WT1: variants seen among roughly 807,000 people sequenced by gnomAD.
WT1 encodes Wilms tumor protein.
A neutral mutation model predicts 60.8 loss-of-function variants in WT1; 8 were observed. The ratio of observed to expected loss-of-function variants is 0.13; its 90% CI spans 0.08 to 0.24. WT1 has a LOEUF of 0.24. Among genes scored for constraint, WT1 ranks in the 10% least tolerant of loss-of-function variants. The pLI, the probability that WT1 is intolerant of heterozygous loss-of-function variation, is 1.00. For synonymous variants in WT1, 312 were observed against 297.1 expected (o/e 1.05, Z -0.52); for missense variants, 568 against 711.8 (o/e 0.80, Z 2.30).
chr11:32,407,067 C>G (rs1208736501), intron 5 of WT1, among the ~76,000 whole-genome samples: 1 of 152,056 alleles, frequency 6.6e-6, no homozygotes, highest in Non-Finnish European at 1.5e-5. Flanking sequence ...CCACTGCACT[C>G]CAGCCTCAGC....
At position 32,389,111 on chromosome 11, in the gene WT1, G is replaced by A. The variant is rs1851744421; in HGVS notation, c.1516C>T (p.Arg506Cys). Residue 506 changes from arginine (R) to cysteine (C), a missense_variant, in exon 10 of 10, where the codon CGC (arginine) becomes TGC (cysteine). Around this residue, in one of 3 missense-constraint regions of WT1, gnomAD observed 29 missense variants for 46.8 expected, o/e 0.62. Coordinates refer to ENST00000452863, the MANE Select transcript of WT1 (RefSeq NM_024426.6). ...TTTCTCTGATGCATGTTGTGATGGC[G>A]GACTAATTCATCTGACCGGGCAAAC... The A allele has an allele frequency of 6.2e-7, 1 of 1,614,206 alleles. No individual in the cohort carries two copies. Among genetic ancestry groups the A allele is most frequent in the Non-Finnish European group, 8.5e-7 (1 of 1,180,028 alleles).
rs567634944 is a variant in WT1, at chr11:32,431,485, G to T, written c.662-2866C>A. ...GGAGTTTCGCTCTGTCGCCCAGGCT[G>T]CAGTGCAGTGGCGCGATCTCAGCTC... is the stretch of plus-strand genomic sequence containing the variant. On this transcript the variant is annotated intron_variant, in intron 1 of 9. Transcript: ENST00000452863. 1.4e-4 allele frequency among the ~76,000 whole-genome samples: 21 copies of T among 148,228 alleles called. 1 individual carries two copies. In the East Asian group the frequency reaches 4.2e-3, roughly 30 times the overall value.
At chr11:32,413,852 C>A (rs1852580019) in intron 5 of WT1, among the ~76,000 whole-genome samples, 1 of 152,136 alleles carries the variant, frequency 6.6e-6, no homozygotes, top group African/African-American at 2.4e-5. Flanking sequence ...GGGCCCAGGT[C>A]CTGGAGTCAG....
At chr11:32,415,825 GA>G (rs1852650785) in intron 5 of WT1, among the ~76,000 whole-genome samples, 2 of 151,946 alleles carry the variant, frequency 1.3e-5, no homozygotes, top group African/African-American at 4.8e-5. Flanking sequence ...GTGAGGTGAA[GA>G]ACCTAACAGT....
intron 1 of WT1, among the ~76,000 whole-genome samples, 155 bp from the exon 2 acceptor site, chr11:32,428,774 T>C (rs1853160782): frequency 6.6e-6 from 1 of 152,158 alleles, no homozygotes; most frequent in Admixed American, 6.5e-5. Flanking sequence ...TCCAGGACTT[T>C]CGGCAGGAAG....
intron 9 of WT1, among the ~76,000 whole-genome samples, chr11:32,389,826 C>G (rs5030309): frequency 0.022 from 3,392 of 151,930 alleles, 53 homozygotes; most frequent in Non-Finnish European, 0.035. Context: ...TTTTAATAAG[C>G]TTGCCAAAAG....
At chr11:32,392,225 C>T (rs577653036) in intron 8 of WT1, among the ~76,000 whole-genome samples, 161 bp from the exon 9 acceptor site, 2 of 152,306 alleles carry the variant, frequency 1.3e-5, no homozygotes, top group Admixed American at 1.3e-4. Flanking sequence ...CCAGGCCCAA[C>T]AAGAATCACT....
At chr11:32,428,656 T>A in intron 1 of WT1, 37 bp from the exon 2 acceptor site, 1 of 1,604,502 alleles carries the variant, frequency 6.2e-7, no homozygotes, top group Non-Finnish European at 8.5e-7. Context: ...GTGTCAGCGG[T>A]GCTCTCGCAA....
intron 1 of WT1, among the ~76,000 whole-genome samples, chr11:32,434,332 T>C (rs1036779144): frequency 1.3e-5 from 2 of 152,188 alleles, no homozygotes; most frequent in African/African-American, 4.8e-5. Flanking sequence ...AATTTGGCGT[T>C]TCCTTAATTA....
At chr11:32,428,176 G>A in intron 2 of WT1, 118 bp from the exon 3 acceptor site, 3 of 1,025,076 alleles carry the variant, frequency 2.9e-6, no homozygotes, top group Non-Finnish European at 4.3e-6. Flanking sequence ...GGGCCTGGAT[G>A]AGCGGCGTGC....
At chr11:32,424,938 G>C (rs140240458) in intron 3 of WT1, among the ~76,000 whole-genome samples, 4,659 of 152,220 alleles carry the variant, frequency 0.031, 231 homozygotes, top group African/African-American at 0.11. Context: ...AGCACTTTTC[G>C]AGGCCAAGGT....
intron 3 of WT1, among the ~76,000 whole-genome samples, chr11:32,425,617 T>C (rs1255970985): frequency 3.9e-5 from 6 of 152,128 alleles, no homozygotes; most frequent in African/African-American, 1.2e-4. Context: ...TGAATGGAAA[T>C]GTTAATTTAG....
intron 5 of WT1, among the ~76,000 whole-genome samples, chr11:32,401,827 A>G (rs5030246): frequency 0.057 from 8,728 of 152,186 alleles, 471 homozygotes; most frequent in African/African-American, 0.14. Context: ...GGTGTGAGCT[A>G]CCAGGCCCAG....
chr11:32,434,080 C>T (rs1387064043), intron 1 of WT1, among the ~76,000 whole-genome samples: 2 of 152,374 alleles, frequency 1.3e-5, no homozygotes, highest in East Asian at 3.9e-4. Flanking sequence ...TACGCGGGAG[C>T]TATCCACGGA....
At chr11:32,417,363 G>C in intron 4 of WT1, 1 of 579,026 alleles carries the variant, frequency 1.7e-6, no homozygotes, top group South Asian at 2.1e-5. Flanking sequence ...AATATTCCTT[G>C]TTCCAGATAG....
chr11:32,413,669 G>C (rs541499802), intron 5 of WT1, among the ~76,000 whole-genome samples: 1 of 152,338 alleles, frequency 6.6e-6, no homozygotes, highest in East Asian at 1.9e-4. Flanking sequence ...AAATAGGATA[G>C]AGAGAAAAAG....
chr11:32,420,579 G>A (rs529044927), intron 3 of WT1, among the ~76,000 whole-genome samples: 59 of 152,108 alleles, frequency 3.9e-4, no homozygotes, highest in Non-Finnish European at 6.9e-4. Context: ...TGAGGGTTGA[G>A]GCACAGAGAG....
chr11:32,396,779 C>G (rs1283396180), intron 6 of WT1, among the ~76,000 whole-genome samples: 1 of 152,288 alleles, frequency 6.6e-6, no homozygotes, highest in South Asian at 2.1e-4. Flanking sequence ...TCCAAAGTCC[C>G]AAAGTCTAAC....
chr11:32,400,163 T>C, intron 5 of WT1, 119 bp from the exon 6 acceptor site: 2 of 1,295,620 alleles, frequency 1.5e-6, no homozygotes, highest in Non-Finnish European at 2.2e-6. Context: ...AAATAGTTGG[T>C]TTTTGCCTCC....
Sources: gnomAD v4.1 joint callset for allele counts (sites outside exome capture counted in the v4.1 genomes callset) on GRCh38, gnomAD v4.1.1 for gene constraint, gnomAD v4.1.1 regional missense constraint, MANE v1.5 for transcripts, NCBI Gene and HGNC (gene_info 2026-07-23, HGNC 2026-07-21) for gene names.